The following TMUB1 variants were observed in gnomAD, a reference collection of about 807,000 sequenced individuals.
TMUB1 encodes the protein transmembrane and ubiquitin-like domain-containing protein 1.
Under a neutral mutation model 16.2 loss-of-function variants are expected in TMUB1, and 9 were observed. The ratio of observed to expected loss-of-function variants is 0.55; its 90% CI spans 0.33 to 0.97. The LOEUF is 0.97. TMUB1 is among the 50% of genes least tolerant of loss of function. TMUB1 has a pLI of 0.03. For missense variants in TMUB1, 309 were observed against 313.5 expected (o/e 0.99, Z 0.11); for synonymous variants, 155 against 152.2 (o/e 1.02, Z -0.13).
At position 151,081,690 on chromosome 7, in the gene TMUB1, C is replaced by A. The variant is rs1197862939; in HGVS notation, c.600G>T (p.Leu200=). The change falls in exon 3 of 3, where the codon CTG becomes CTT. Residue 200 remains leucine, a synonymous_variant. Coordinates refer to ENST00000297533, the MANE Select transcript of TMUB1 (RefSeq NM_001136044.2). This position sits in a 1 kb window ranked among gnomAD's most constrained non-coding sequence, Gnocchi z 7.6. ...PSGLEIGSLL[L]PLLLLLLLLL... is the part of the protein sequence containing the mutation. ...GCAGCAACAGCAGGAGCAGCAGGGG[C>A]AGCAGCAGGCTGCCGATTTCCAGCC... The A allele has an allele frequency of 6.3e-7, 1 of 1,584,838 alleles. No individual in the cohort carries two copies. The highest frequency in any genetic ancestry group is 1.8e-5 in the Admixed American group (1 of 54,612).
rs758203569 is a variant in TMUB1, at chr7:151,081,590, G to A, written c.700C>T (p.Leu234=). The A allele has an allele frequency of 1.9e-6, 3 of 1,608,694 alleles. No individual in the cohort carries two copies. The highest frequency in any genetic ancestry group is 3.4e-5 in the Admixed American group (2 of 59,570). Residue 234 remains leucine, a synonymous_variant, in exon 3 of 3, where the codon CTG becomes TTG. Coordinates refer to ENST00000297533, the MANE Select transcript of TMUB1 (RefSeq NM_001136044.2). This position sits in a 1 kb window ranked among gnomAD's most constrained non-coding sequence, Gnocchi z 7.6. ...TATLGLAGFT[L]LLSLLAFAMY... ...GCAAAGGCCAGGAGACTGAGGAGCAGGGTGAAGCCGGCCAGGCCCAGAGTG... is the reference window on the plus strand; with the variant it reads ...GCAAAGGCCAGGAGACTGAGGAGCAAGGTGAAGCCGGCCAGGCCCAGAGTG...
rs377291570 is a variant in TMUB1 at position 151,082,295 on chromosome 7, G to A, written c.269C>T (p.Thr90Ile). The change falls in exon 2 of 3, where the codon ACA becomes ATA. Residue 90 changes from threonine (T) to isoleucine (I), a missense_variant. Coordinates refer to ENST00000297533, the MANE Select transcript of TMUB1 (RefSeq NM_001136044.2). This position sits in a 1 kb window ranked among gnomAD's most constrained non-coding sequence, Gnocchi z 7.0. ...AAQPEPSTGF[T>I]ATPPAPDSPQ... is the part of the protein sequence containing the mutation. ...GGAGTCCGGGGCTGGCGGTGTTGCT[G>A]TGAACCCCGTGCTGGGCTCTGGCTG... The A allele has an allele frequency of 3.1e-6, 5 of 1,598,016 alleles. No individual in the cohort carries two copies. The African/African-American group carries it at 6.7e-5, about 22-fold the overall frequency.
Position 151,082,643 on chromosome 7 carries a change from C to T in TMUB1, c.-30-50G>A. The T allele has an allele frequency of 7.1e-7, 1 of 1,412,514 alleles. No individual in the cohort carries two copies. Among genetic ancestry groups the T allele is most frequent in the Non-Finnish European group, 9.3e-7 (1 of 1,074,934 alleles). 87.5% of individuals were successfully genotyped at this position (1,412,514 alleles called of 1,614,324 possible). On this transcript the variant is annotated intron_variant, in intron 1 of 2. Coordinates refer to ENST00000297533, the MANE Select transcript of TMUB1 (RefSeq NM_001136044.2). The surrounding 1 kb of genome is among the most constrained non-coding windows in gnomAD (Gnocchi z 7.0). ...AGGCCCGGGCCCCCTGGCCAGGAGC[C>T]CTGGAACCTCCACAGGGTCCTGCCC... is the stretch of plus-strand genomic sequence containing the variant.
rs765721180 is a variant in TMUB1 at position 151,082,558 on chromosome 7, G to C, written c.6C>G (p.Thr2=). M[T]LIEGVGDEVT... ...CCTCATCACCCACCCCTTCAATCAG[G>C]GTCATGGCGCCTGCCTTGCCCGCCG... The change falls in exon 2 of 3, where the codon ACC becomes ACG. Residue 2 remains threonine (T), a synonymous_variant. Transcript: ENST00000297533. This position sits in a 1 kb window ranked among gnomAD's most constrained non-coding sequence, Gnocchi z 7.0. The C allele has an allele frequency of 1.3e-6, 2 of 1,495,206 alleles. No individual in the cohort carries two copies. Among genetic ancestry groups the C allele is most frequent in the Non-Finnish European group, 1.8e-6 (2 of 1,121,150 alleles). 92.6% of individuals were successfully genotyped at this position (1,495,206 alleles called of 1,614,324 possible).
In TMUB1 at chr7:151,081,949, G is replaced by A; in HGVS notation, c.390-49C>T. ...AGAGAGCAGGCCTCAGGCAATCCTAGTCCCTGGCCCCGGAACAGCACTCCC... is the reference window on the plus strand; with the variant it reads ...AGAGAGCAGGCCTCAGGCAATCCTAATCCCTGGCCCCGGAACAGCACTCCC... On this transcript the variant is annotated intron_variant, in intron 2 of 2. Coordinates refer to ENST00000297533, the MANE Select transcript of TMUB1 (RefSeq NM_001136044.2). The surrounding 1 kb of genome is among the most constrained non-coding windows in gnomAD (Gnocchi z 7.6). 6.9e-7 allele frequency: 1 copy of A among 1,452,284 alleles called. No individual in the cohort carries two copies. Among genetic ancestry groups the A allele is most frequent in the African/African-American group, 1.4e-5 (1 of 70,522 alleles). The allele number at this position is 1,452,284 out of a possible 1,614,324, so 90.0% of individuals were successfully genotyped here.
rs1798009837 is a variant in TMUB1 at position 151,082,136 on chromosome 7, CCT to C, written c.389+37_389+38del. Reference sequence around the variant, plus strand: ...GCCTTCTGCGACCACTCTCCCAACCCCTGTCTTTAGCATTGCTCCTGCCTCTT... The same window carrying C: ...GCCTTCTGCGACCACTCTCCCAACCCGTCTTTAGCATTGCTCCTGCCTCTT... On this transcript the variant is annotated intron_variant, in intron 2 of 2. Transcript: ENST00000297533. The surrounding 1 kb of genome is among the most constrained non-coding windows in gnomAD (Gnocchi z 7.0). 5 of 1,495,928 alleles carry C rather than the reference CCT, an allele frequency of 3.3e-6. No homozygotes were observed. The highest frequency in any genetic ancestry group is 2.8e-5 in the African/African-American group (2 of 71,040). The allele number at this position is 1,495,928 out of a possible 1,614,324, so 92.7% of individuals were successfully genotyped here.
chr7:151,082,376 C>G lies in TMUB1; in HGVS notation c.188G>C (p.Arg63Thr). The part of the protein sequence containing the change: ...SAAMAATDSM[R>T]GEAPGAETPS... The stretch of plus-strand genomic sequence containing the variant: ...GGTCTCTGCCCCTGGGGCCTCCCCT[C>G]TCATGCTGTCGGTAGCTGCCATGGC... The change falls in exon 2 of 3, where the codon AGA (arginine) becomes ACA (threonine). Residue 63 changes from arginine (R) to threonine (T), a missense_variant. By Grantham distance (71) the Arg-to-Thr change is moderately conservative. Coordinates refer to ENST00000297533, the MANE Select transcript of TMUB1 (RefSeq NM_001136044.2). The surrounding 1 kb of genome is among the most constrained non-coding windows in gnomAD (Gnocchi z 7.0). 2 of 1,597,848 alleles carry G rather than the reference C, an allele frequency of 1.3e-6. No homozygotes were observed. The highest frequency in any genetic ancestry group is 1.7e-6 in the Non-Finnish European group (2 of 1,172,170).
rs545929018 is a variant in TMUB1 at position 151,081,519 on chromosome 7, C to T, written c.*30G>A. 14 of 1,520,784 alleles carry T rather than the reference C, an allele frequency of 9.2e-6. No individual in the cohort carries two copies. The highest frequency in any genetic ancestry group is 1.2e-5 in the Non-Finnish European group (14 of 1,130,814). 94.2% of individuals were successfully genotyped at this position (1,520,784 alleles called of 1,614,324 possible). On this transcript the variant is annotated 3_prime_UTR_variant, in exon 3 of 3. Coordinates refer to ENST00000297533, the MANE Select transcript of TMUB1 (RefSeq NM_001136044.2). The surrounding 1 kb of genome is among the most constrained non-coding windows in gnomAD (Gnocchi z 7.6). ...CGCGGGGAGCAAGGTCCGGAGGGGC[C>T]GGCGACGCTGCCAAGCGCCCGCGGA...
Position 151,082,681 on chromosome 7 carries a change from G to T in TMUB1, c.-30-88C>A. On this transcript the variant is annotated intron_variant, in intron 1 of 2. Coordinates refer to ENST00000297533, the MANE Select transcript of TMUB1 (RefSeq NM_001136044.2). This position sits in a 1 kb window ranked among gnomAD's most constrained non-coding sequence, Gnocchi z 7.0. ...CAGGGTCCTGCCCTCACCCCACCGC[G>T]ACGCTCCCACCGTCCTCAGCCTCCG... The T allele has an allele frequency of 9.1e-7, 1 of 1,098,706 alleles. No homozygotes were observed. Among genetic ancestry groups the T allele is most frequent in the Non-Finnish European group, 1.2e-6 (1 of 839,080 alleles). The allele number at this position is 1,098,706 out of a possible 1,614,324, so 68.1% of individuals were successfully genotyped here.
Position 151,082,054 on chromosome 7 carries a change from C to T in TMUB1, c.389+121G>A. On this transcript the variant is annotated intron_variant, in intron 2 of 2. Transcript: ENST00000297533. This position sits in a 1 kb window ranked among gnomAD's most constrained non-coding sequence, Gnocchi z 7.0. Reference sequence around the variant, plus strand: ...CCAGGGGAACAAGTACAGTTGTGATCTGGGGCGCTCAGCGCCTCCAGTATA... The same window carrying T: ...CCAGGGGAACAAGTACAGTTGTGATTTGGGGCGCTCAGCGCCTCCAGTATA... 1 of 1,422,024 alleles carries T rather than the reference C, an allele frequency of 7.0e-7. No homozygotes were observed. Among genetic ancestry groups the T allele is most frequent in the Non-Finnish European group, 9.3e-7 (1 of 1,071,044 alleles). 88.1% of individuals were successfully genotyped at this position (1,422,024 alleles called of 1,614,324 possible).
chr7:151,081,933 G>A lies in TMUB1; in HGVS notation c.390-33C>T. On this transcript the variant is annotated intron_variant, in intron 2 of 2. Coordinates refer to ENST00000297533, the MANE Select transcript of TMUB1 (RefSeq NM_001136044.2). This position sits in a 1 kb window ranked among gnomAD's most constrained non-coding sequence, Gnocchi z 7.6. ...GAGAGGGACCTGGGTAAGAGAGCAG[G>A]CCTCAGGCAATCCTAGTCCCTGGCC... is the stretch of plus-strand genomic sequence containing the variant. The A allele has an allele frequency of 6.9e-7, 1 of 1,457,928 alleles. No homozygotes were observed. Among genetic ancestry groups the A allele is most frequent in the African/African-American group, 1.4e-5 (1 of 70,714 alleles). The allele number at this position is 1,457,928 out of a possible 1,614,324, so 90.3% of individuals were successfully genotyped here. A position where few individuals can be genotyped will look rare whatever the true frequency, so the allele number is the denominator to read the frequency against.
Position 151,082,366 on chromosome 7 carries a change from G to T in TMUB1, c.198C>A (p.Ala66=). 6.3e-7 allele frequency: 1 copy of T among 1,596,452 alleles called. No individual in the cohort carries two copies. The highest frequency in any genetic ancestry group is 8.5e-7 in the Non-Finnish European group (1 of 1,171,232). The change falls in exon 2 of 3, where the codon GCC becomes GCA. Residue 66 remains alanine, a synonymous_variant. Coordinates refer to ENST00000297533, the MANE Select transcript of TMUB1 (RefSeq NM_001136044.2). This position sits in a 1 kb window ranked among gnomAD's most constrained non-coding sequence, Gnocchi z 7.0. ...TCAGGCTGGGGGTCTCTGCCCCTGGGGCCTCCCCTCTCATGCTGTCGGTAG... is the reference window on the plus strand; with the variant it reads ...TCAGGCTGGGGGTCTCTGCCCCTGGTGCCTCCCCTCTCATGCTGTCGGTAG... ...MAATDSMRGE[A]PGAETPSLRH...
Position 151,081,115 on chromosome 7 carries a change from G to A in TMUB1, c.*434C>T, listed in dbSNP as rs1797970533. The A allele has an allele frequency of 4.2e-6, 1 of 238,520 alleles. No individual in the cohort carries two copies. Among genetic ancestry groups the A allele is most frequent in the South Asian group, 1.7e-4 (1 of 5,750 alleles). The allele number at this position is 238,520 out of a possible 1,614,324, so 14.8% of individuals were successfully genotyped here. A position where few individuals can be genotyped will look rare whatever the true frequency, so the allele number is the denominator to read the frequency against. ...ACTTCACAGTTACTTTAATCTGCACGGGTTCCGGGGAACTCCTCTGCCCCT... is the reference window on the plus strand; with the variant it reads ...ACTTCACAGTTACTTTAATCTGCACAGGTTCCGGGGAACTCCTCTGCCCCT... On this transcript the variant is annotated 3_prime_UTR_variant, in exon 3 of 3. Coordinates refer to ENST00000297533, the MANE Select transcript of TMUB1 (RefSeq NM_001136044.2). The surrounding 1 kb of genome is among the most constrained non-coding windows in gnomAD (Gnocchi z 7.6).
chr7:151,082,456 G>A lies in TMUB1; in HGVS notation c.108C>T (p.Gly36=), dbSNP rs1798022351. The A allele has an allele frequency of 6.2e-7, 1 of 1,605,762 alleles. No individual in the cohort carries two copies. The highest frequency in any genetic ancestry group is 8.5e-7 in the Non-Finnish European group (1 of 1,175,650). ...LAWVSTHTAE[G]GDPLPQPSGT... Reference sequence around the variant, plus strand: ...CTGACGGCTGGGGCAGTGGGTCCCCGCCCTCAGCGGTGTGCGTTGAGACCC... The same window carrying A: ...CTGACGGCTGGGGCAGTGGGTCCCCACCCTCAGCGGTGTGCGTTGAGACCC... Residue 36 remains glycine (G), a synonymous_variant, in exon 2 of 3, where the codon GGC becomes GGT. Transcript: ENST00000297533. This position sits in a 1 kb window ranked among gnomAD's most constrained non-coding sequence, Gnocchi z 7.0.
rs752378387 is a variant in TMUB1, at chr7:151,082,566, C to A, written c.-3G>T. 4 of 1,489,094 alleles carry A rather than the reference C, an allele frequency of 2.7e-6. No homozygotes were observed. Among genetic ancestry groups the A allele is most frequent in the Non-Finnish European group, 2.7e-6 (3 of 1,118,352 alleles). 92.2% of individuals were successfully genotyped at this position (1,489,094 alleles called of 1,614,324 possible). A position where few individuals can be genotyped will look rare whatever the true frequency, so the allele number is the denominator to read the frequency against. ...CCCACCCCTTCAATCAGGGTCATGG[C>A]GCCTGCCTTGCCCGCCGCGCTACCG... On this transcript the variant is annotated 5_prime_UTR_variant, in exon 2 of 3. Transcript: ENST00000297533. This position sits in a 1 kb window ranked among gnomAD's most constrained non-coding sequence, Gnocchi z 7.0.
Position 151,082,013 on chromosome 7 carries a change from T to C in TMUB1, c.390-113A>G. On this transcript the variant is annotated intron_variant, in intron 2 of 2. Coordinates refer to ENST00000297533, the MANE Select transcript of TMUB1 (RefSeq NM_001136044.2). The surrounding 1 kb of genome is among the most constrained non-coding windows in gnomAD (Gnocchi z 7.0). ...CCTCCACAACACACCGGCCCTGGCC[T>C]GGGAGGGGCCGTCTGCCAGGGGAAC... is the stretch of plus-strand genomic sequence containing the variant. The C allele has an allele frequency of 7.2e-7, 1 of 1,380,616 alleles. No individual in the cohort carries two copies. Among genetic ancestry groups the C allele is most frequent in the South Asian group, 1.6e-5 (1 of 63,648 alleles). 85.5% of individuals were successfully genotyped at this position (1,380,616 alleles called of 1,614,324 possible). A position where few individuals can be genotyped will look rare whatever the true frequency, so the allele number is the denominator to read the frequency against.
Position 151,082,837 on chromosome 7 carries a change from G to A in TMUB1, c.-30-244C>T. 5.4e-6 allele frequency: 2 copies of A among 369,976 alleles called. No homozygotes were observed. Among genetic ancestry groups the A allele is most frequent in the South Asian group, 2.1e-4 (2 of 9,396 alleles). 22.9% of individuals were successfully genotyped at this position (369,976 alleles called of 1,614,324 possible). A position where few individuals can be genotyped will look rare whatever the true frequency, so the allele number is the denominator to read the frequency against. ...CATCTGAGCTCGAGGTCTTCAACCA[G>A]CTCCCAACTCACCCAAACCCTATCC... On this transcript the variant is annotated intron_variant, in intron 1 of 2. Transcript: ENST00000297533. This position sits in a 1 kb window ranked among gnomAD's most constrained non-coding sequence, Gnocchi z 7.0.
chr7:151,082,920 C>T lies in TMUB1; in HGVS notation c.-30-327G>A, dbSNP rs1301673513. ...ACTTCACCCCAACCAAACTTCACCC[C>T]CAAGCGTATCTATTCTCCTGCCCAC... On this transcript the variant is annotated intron_variant, in intron 1 of 2. Coordinates refer to ENST00000297533, the MANE Select transcript of TMUB1 (RefSeq NM_001136044.2). This position sits in a 1 kb window ranked among gnomAD's most constrained non-coding sequence, Gnocchi z 7.0. The T allele has an allele frequency of 1.3e-5, 3 of 233,762 alleles. No individual in the cohort carries two copies. In the Admixed American group the frequency reaches 1.7e-4, roughly 13 times the overall value. The allele number at this position is 233,762 out of a possible 1,614,324, so 14.5% of individuals were successfully genotyped here. A position where few individuals can be genotyped will look rare whatever the true frequency, so the allele number is the denominator to read the frequency against.
Position 151,081,785 on chromosome 7 carries a change from A to C in TMUB1, c.505T>G (p.Cys169Gly). Residue 169 changes from cysteine (C) to glycine (G), a missense_variant, in exon 3 of 3, where the codon TGC (cysteine) becomes GGC (glycine). Cys to Gly is a radical substitution (Grantham distance 159). Coordinates refer to ENST00000297533, the MANE Select transcript of TMUB1 (RefSeq NM_001136044.2). The surrounding 1 kb of genome is among the most constrained non-coding windows in gnomAD (Gnocchi z 7.6). ...LHLPPNCVLH[C>G]HVSTRVGPPN... The stretch of plus-strand genomic sequence containing the variant: ...GGACCGACTCTCGTGGACACGTGGC[A>C]GTGGAGAACGCAGTTGGGAGGGAGG... 6.3e-7 allele frequency: 1 copy of C among 1,593,560 alleles called. No individual in the cohort carries two copies. Among genetic ancestry groups the C allele is most frequent in the South Asian group, 1.1e-5 (1 of 87,902 alleles).
Sources: gnomAD v4.1 joint callset for allele counts on GRCh38, gnomAD v4.1.1 for gene constraint, Gnocchi (gnomAD v3.1) non-coding constraint, MANE v1.5 for transcripts, NCBI Gene and HGNC (gene_info 2026-07-23, HGNC 2026-07-21) for gene names.